The following KIAA1217 variants were observed in gnomAD, a reference collection of about 807,000 sequenced individuals.
KIAA1217 encodes the protein KIAA1217, also known as sickle tail protein homolog.
KIAA1217 carries 88 observed loss-of-function variants against 163.9 expected under a neutral mutation model. That is an observed-to-expected ratio of 0.54 (90% CI 0.45 to 0.64). KIAA1217 has a LOEUF of 0.64. Among genes scored for constraint, KIAA1217 ranks in the 30% least tolerant of loss-of-function variants. The pLI is 0.00. For missense variants in KIAA1217, 2,372 were observed against 2,475.0 expected (o/e 0.96, Z 0.88); for synonymous variants, 903 against 923.1 (o/e 0.98, Z 0.39).
intron 2 of KIAA1217, among the ~76,000 whole-genome samples, chr10:24,059,377 T>C (rs1202198384): frequency 1.3e-5 from 2 of 152,192 alleles, no homozygotes; most frequent in East Asian, 1.9e-4. Context: ...GGTATGAAGA[T>C]AATGCTGGTC....
At chr10:24,368,865 G>T (rs945507953) in intron 2 of KIAA1217, 1 of 984,110 alleles carries the variant, frequency 1.0e-6, no homozygotes, top group Non-Finnish European at 1.2e-6. Flanking sequence ...CTAAATGGTT[G>T]GCATCTTTTA....
At position 24,420,834 on chromosome 10, in the gene KIAA1217, C is replaced by T. The variant is rs2058672134; in HGVS notation, c.554-12161C>T. ...GTCATATATCAAGCTCTCACAAAGTCTGTGTCTTTGTCTAGGCTCTCTGTT... is the reference window on the plus strand; with the variant it reads ...GTCATATATCAAGCTCTCACAAAGTTTGTGTCTTTGTCTAGGCTCTCTGTT... On this transcript the variant is annotated intron_variant, in intron 3 of 20. Coordinates refer to ENST00000376454, the MANE Select transcript of KIAA1217 (RefSeq NM_019590.5). Among the ~76,000 whole-genome samples, 3 of 152,194 alleles carry T rather than the reference C, an allele frequency of 2.0e-5. No individual in the cohort carries two copies. In the South Asian group the frequency reaches 6.2e-4, roughly 32 times the overall value.
chr10:24,346,169 T>A (rs150671332), intron 2 of KIAA1217, among the ~76,000 whole-genome samples: 3 of 152,324 alleles, frequency 2.0e-5, no homozygotes, highest in Non-Finnish European at 4.4e-5. Flanking sequence ...TTTTTAAGGC[T>A]TAATAATATT....
In KIAA1217 at chr10:24,542,848, C is replaced by T. The variant is rs181108820; in HGVS notation, c.3613-35C>T. ...CCTCTGCAGATCCATTGCTGATTAA[C>T]GTGTGTGGTTTCCCTCCTCCGTTCT... is the stretch of plus-strand genomic sequence containing the variant. On this transcript the variant is annotated intron_variant, in intron 18 of 20. Coordinates refer to ENST00000376454, the MANE Select transcript of KIAA1217 (RefSeq NM_019590.5). 192 of 1,609,636 alleles carry T rather than the reference C, an allele frequency of 1.2e-4. 2 individuals carry two copies. The East Asian group carries it at 3.5e-3, about 29-fold the overall frequency.
chr10:24,524,204 G>A (rs1180054103), intron 12 of KIAA1217, 119 bp from the exon 13 acceptor site: 1 of 995,304 alleles, frequency 1.0e-6, no homozygotes, highest in African/African-American at 1.6e-5. Flanking sequence ...TCCCTAAGCG[G>A]CTACTCTGAG....
intron 4 of KIAA1217, among the ~76,000 whole-genome samples, chr10:24,437,043 G>A (rs190453143): frequency 6.6e-6 from 1 of 152,140 alleles, no homozygotes; most frequent in Non-Finnish European, 1.5e-5. Context: ...GTTCATCTCA[G>A]ATGAATATGT....
At chr10:24,192,701 G>A (rs977745831) in intron 2 of KIAA1217, among the ~76,000 whole-genome samples, 1 of 152,248 alleles carries the variant, frequency 6.6e-6, no homozygotes, top group East Asian at 1.9e-4. Flanking sequence ...CACTCTGCAT[G>A]TGTGACCAGA....
intron 2 of KIAA1217, among the ~76,000 whole-genome samples, chr10:24,023,937 G>A (rs1171470721): frequency 6.6e-6 from 1 of 151,474 alleles, no homozygotes; most frequent in African/African-American, 2.4e-5. Flanking sequence ...ATGGAGATCA[G>A]ATTAGAGGTT....
intron 3 of KIAA1217, among the ~76,000 whole-genome samples, chr10:24,414,277 A>T (rs1216029498): frequency 1.3e-5 from 2 of 152,196 alleles, no homozygotes; most frequent in Non-Finnish European, 1.5e-5. Flanking sequence ...CCCTTTTGTT[A>T]TGCTTGTTAT....
chr10:24,462,231 G>A (rs1446939359), intron 5 of KIAA1217, among the ~76,000 whole-genome samples: 2 of 151,680 alleles, frequency 1.3e-5, no homozygotes, highest in Non-Finnish European at 2.9e-5. Context: ...TACTCATTTT[G>A]AGGCAAGTAG....
At chr10:23,757,145 A>T (rs1441629771) in intron 1 of KIAA1217, among the ~76,000 whole-genome samples, 1 of 152,040 alleles carries the variant, frequency 6.6e-6, no homozygotes, top group African/African-American at 2.4e-5. Context: ...GGGTTCTTCC[A>T]CATTTTAGTT....
rs12249565 is a variant in KIAA1217 at position 23,752,645 on chromosome 10, C to A, written c.-321+57411C>A. Among the ~76,000 whole-genome samples the A allele has an allele frequency of 7.0e-3, 1,070 of 152,240 alleles. 18 individuals are homozygous for A. The highest frequency in any genetic ancestry group is 0.025 in the African/African-American group (1,025 of 41,540). ...CACTTTCTCAATTTCCCTCAGGTATCATTTTTGACTATGTTTACTTGGAAA... is the reference window on the plus strand; with the variant it reads ...CACTTTCTCAATTTCCCTCAGGTATAATTTTTGACTATGTTTACTTGGAAA... On this transcript the variant is annotated intron_variant, in intron 1 of 18. Coordinates refer to the KIAA1217 transcript ENST00000376462.
intron 1 of KIAA1217, among the ~76,000 whole-genome samples, chr10:23,970,133 C>T (rs902403413): frequency 6.6e-6 from 1 of 152,142 alleles, no homozygotes; most frequent in Admixed American, 6.5e-5. Context: ...GGGGACACAG[C>T]CAAACCATAT....
chr10:24,153,989 G>A (rs1198607077), intron 2 of KIAA1217, among the ~76,000 whole-genome samples: 1 of 146,328 alleles, frequency 6.8e-6, no homozygotes, highest in African/African-American at 2.6e-5. Flanking sequence ...ACGGAGTCTC[G>A]CTCTGTCGCC....
intron 2 of KIAA1217, among the ~76,000 whole-genome samples, chr10:24,342,858 A>G (rs1310597499): frequency 6.6e-6 from 1 of 151,868 alleles, no homozygotes; most frequent in East Asian, 1.9e-4. Flanking sequence ...GGGTTTCACC[A>G]TCTTGGCCAG....
At chr10:24,393,699 C>A (rs922021202) in intron 3 of KIAA1217, among the ~76,000 whole-genome samples, 1 of 152,134 alleles carries the variant, frequency 6.6e-6, no homozygotes, top group Admixed American at 6.5e-5. Flanking sequence ...GGTGTCCTTA[C>A]AAGAAGAACA....
At chr10:23,783,227 A>G (rs1486089711) in intron 1 of KIAA1217, among the ~76,000 whole-genome samples, 1 of 152,186 alleles carries the variant, frequency 6.6e-6, no homozygotes, top group Middle Eastern at 3.2e-3. Flanking sequence ...TACTGTTTTA[A>G]GAAAGTTTAC....
At chr10:23,879,495 T>C (rs1219601250) in intron 1 of KIAA1217, among the ~76,000 whole-genome samples, 1 of 151,852 alleles carries the variant, frequency 6.6e-6, no homozygotes, top group East Asian at 1.9e-4. Context: ...ATTAAATATA[T>C]CAACAATGCA....
chr10:23,994,188 C>T (rs1478614779), intron 1 of KIAA1217, among the ~76,000 whole-genome samples: 1 of 152,184 alleles, frequency 6.6e-6, no homozygotes, highest in Non-Finnish European at 1.5e-5. Context: ...CTCCCATTGA[C>T]AAGCCTTTCT....
Sources: gnomAD v4.1 joint callset for allele counts (sites outside exome capture counted in the v4.1 genomes callset) on GRCh38, gnomAD v4.1.1 for gene constraint, MANE v1.5 for transcripts, NCBI Gene and HGNC (gene_info 2026-07-23, HGNC 2026-07-21) for gene names.